ABCC10: variants seen among roughly 807,000 people sequenced by gnomAD.
The protein encoded by ABCC10 is ATP binding cassette subfamily C member 10.
In ABCC10, 110 loss-of-function variants were observed where a neutral mutation model predicts 143.2. The observed-to-expected ratio is 0.77, with a 90% CI of 0.66 to 0.90. The LOEUF (loss-of-function observed/expected upper bound fraction) is 0.90, where lower values mean the gene tolerates loss of function less well. ABCC10 is among the 40% of genes least tolerant of loss of function. ABCC10 has a pLI of 0.00. For synonymous variants in ABCC10, 805 were observed against 846.7 expected, an observed-to-expected ratio of 0.95 and a Z score of 0.85; for missense variants, 1,700 against 1,900.5, an observed-to-expected ratio of 0.89 and a Z score of 1.96.
downstream of ABCC10, chr6:43,451,425 G>T (rs933372792): frequency 3.7e-6 from 4 of 1,074,690 alleles, no homozygotes; most frequent in Admixed American, 8.6e-5. This position sits in a 1 kb window ranked among gnomAD's most constrained non-coding sequence, Gnocchi z 4.4. Flanking sequence ...AATAAAAATA[G>T]TACCCAGCTT....
At position 43,434,838 on chromosome 6, in the gene ABCC10, C is replaced by T; in HGVS notation, c.1598C>T (p.Thr533Ile). 1 of 1,614,110 alleles carries T rather than the reference C, an allele frequency of 6.2e-7. No individual in the cohort carries two copies. Among genetic ancestry groups the T allele is most frequent in the African/African-American group, 1.3e-5 (1 of 75,062 alleles). ...ITYVLMGHQL[T>I]ATKVFTALAL... Reference sequence around the variant, plus strand: ...TATGTCCTCATGGGGCACCAGCTCACTGCCACCAAGGTGAGGACCAGGAAG... The same window carrying T: ...TATGTCCTCATGGGGCACCAGCTCATTGCCACCAAGGTGAGGACCAGGAAG... Residue 533 changes from threonine to isoleucine, a missense_variant, in exon 4 of 22, where the codon ACT becomes ATT. Physicochemically the swap from Thr to Ile is moderately conservative, Grantham distance 89 (BLOSUM62 -1). Coordinates refer to ENST00000372530, the MANE Select transcript of ABCC10 (RefSeq NM_001198934.2).
At chr6:43,433,748 C>A (rs1192104261) in intron 3 of ABCC10, among the ~76,000 whole-genome samples, 2 of 152,162 alleles carry the variant, frequency 1.3e-5, no homozygotes, top group Non-Finnish European at 2.9e-5. Context: ...AGAGCTGGGA[C>A]CCAAGTCTCC....
chr6:43,445,058 G>A lies in ABCC10; in HGVS notation c.2841-67G>A, dbSNP rs1782887023. On this transcript the variant is annotated intron_variant, in intron 13 of 21. Transcript: ENST00000372530. ...TCTGGAGGGTGGGAGAGATGGCATG[G>A]GGGAGGAGAAAGGACCCCCGAGTGG... is the stretch of plus-strand genomic sequence containing the variant. 5 of 1,594,004 alleles carry A rather than the reference G, an allele frequency of 3.1e-6. No individual in the cohort carries two copies. In the East Asian group the frequency reaches 1.1e-4, roughly 36 times the overall value.
rs1400361101 is a variant in ABCC10 at position 43,444,286 on chromosome 6, A to G, written c.2622A>G (p.Gln874=). 6.2e-7 allele frequency: 1 copy of G among 1,614,090 alleles called. No individual in the cohort carries two copies. The highest frequency in any genetic ancestry group is 2.2e-5 in the East Asian group (1 of 44,884). ...GCGCCGTGGCCTTGCACGTGTACCAAGCTTACTGGAAGGCCGTGGGCCAGG... is the reference window on the plus strand; with the variant it reads ...GCGCCGTGGCCTTGCACGTGTACCAGGCTTACTGGAAGGCCGTGGGCCAGG... ...KEGAVALHVY[Q]AYWKAVGQGL... is the part of the protein sequence containing the mutation. The change falls in exon 12 of 22, where the codon CAA becomes CAG. Residue 874 remains glutamine (Q), a synonymous_variant. Transcript: ENST00000372530.
In ABCC10 at chr6:43,446,455, C is replaced by T. The variant is rs1783087237; in HGVS notation, c.3544+9C>T. 1 of 1,607,018 alleles carries T rather than the reference C, an allele frequency of 6.2e-7. No individual in the cohort carries two copies. The highest frequency in any genetic ancestry group is 1.3e-5 in the African/African-American group (1 of 74,760). ...GGGCCTCGCTAACCCAGGTGCCACC[C>T]AGGACCCCTCACCCCTACCTCATCC... On this transcript the variant is annotated intron_variant, in intron 16 of 21. Coordinates refer to ENST00000372530, the MANE Select transcript of ABCC10 (RefSeq NM_001198934.2).
At position 43,435,749 on chromosome 6, in the gene ABCC10, A is replaced by G; in HGVS notation, c.1609-2A>G. 1 of 1,614,034 alleles carries G rather than the reference A, an allele frequency of 6.2e-7. No homozygotes were observed. Among genetic ancestry groups the G allele is most frequent in the Non-Finnish European group, 8.5e-7 (1 of 1,179,928 alleles). ...GCTTCACCCTGCACCCACCTCACTC[A>G]GGTGTTCACGGCCCTGGCACTGGTG... On this transcript the variant is annotated splice_acceptor_variant, in intron 4 of 21. Coordinates refer to ENST00000372530, the MANE Select transcript of ABCC10 (RefSeq NM_001198934.2). LOFTEE classifies it high-confidence loss of function.
chr6:43,451,672 C>T (rs1158609546), downstream of ABCC10, among the ~76,000 whole-genome samples: 2 of 152,086 alleles, frequency 1.3e-5, no homozygotes, highest in Non-Finnish European at 2.9e-5. This position sits in a 1 kb window ranked among gnomAD's most constrained non-coding sequence, Gnocchi z 4.4. Context: ...TTCAGTCTCC[C>T]CACACCCACC....
intron 9 of ABCC10, chr6:43,442,187 G>C (rs925199546): frequency 1.7e-5 from 6 of 360,308 alleles, no homozygotes; most frequent in Admixed American, 1.3e-4. Flanking sequence ...GCTTAGGTCT[G>C]TAATCCCAGC....
At position 43,447,849 on chromosome 6, in the gene ABCC10, T is replaced by C. The variant is rs1783283616; in HGVS notation, c.3871T>C (p.Leu1291=). The part of the protein sequence containing the change: ...RTGSGKSSLL[L]VLFRLLEPSS... ...AGGCTCCGGCAAGTCTTCCCTGTTG[T>C]TGGTGCTCTTCCGGCTGCTAGAGCC... Residue 1291 remains leucine, a synonymous_variant, in exon 18 of 22, where the codon TTG becomes CTG. Transcript: ENST00000372530. 2.5e-6 allele frequency: 4 copies of C among 1,613,868 alleles called. No homozygotes were observed. The highest frequency in any genetic ancestry group is 3.4e-6 in the Non-Finnish European group (4 of 1,180,018).
At chr6:43,441,390 C>T (rs184446531) in intron 8 of ABCC10, among the ~76,000 whole-genome samples, 2 of 150,900 alleles carry the variant, frequency 1.3e-5, no homozygotes, top group East Asian at 2.0e-4. Flanking sequence ...GCAGGAAAAT[C>T]GCTTGAACCC....
chr6:43,445,047 G>A, intron 13 of ABCC10, 78 bp from the exon 14 acceptor site: 1 of 1,588,760 alleles, frequency 6.3e-7, no homozygotes. Context: ...GAGGGTGGGA[G>A]AGATGGCATG....
chr6:43,450,136 G>T lies in ABCC10; in HGVS notation c.*45G>T. The stretch of plus-strand genomic sequence containing the variant: ...AGAGTTCTCCCCTCTCTCTGATCCA[G>T]GCCGGGCCTATACAGAGGTGCTGGC... On this transcript the variant is annotated 3_prime_UTR_variant, in exon 22 of 22. Coordinates refer to ENST00000372530, the MANE Select transcript of ABCC10 (RefSeq NM_001198934.2). The surrounding 1 kb of genome is among the most constrained non-coding windows in gnomAD (Gnocchi z 4.5). The T allele has an allele frequency of 6.5e-7, 1 of 1,550,212 alleles. No individual in the cohort carries two copies. Among genetic ancestry groups the T allele is most frequent in the Non-Finnish European group, 8.7e-7 (1 of 1,144,936 alleles).
intron 7 of ABCC10, 161 bp downstream of exon 7, chr6:43,438,174 A>G: frequency 1.0e-6 from 1 of 956,362 alleles, no homozygotes; most frequent in Non-Finnish European, 1.5e-6. Context: ...GGAGGTGGCC[A>G]AGAAAGCGAA....
intron 18 of ABCC10, chr6:43,448,193 C>G (rs1783332883): frequency 3.2e-6 from 2 of 622,092 alleles, no homozygotes; most frequent in Non-Finnish European, 5.9e-6. Flanking sequence ...TACTTCCTAC[C>G]ATACACCCTC....
At chr6:43,444,986 C>T in intron 13 of ABCC10, 48 bp downstream of exon 13, 1 of 1,585,632 alleles carries the variant, frequency 6.3e-7, no homozygotes. Flanking sequence ...AGAGTGGTCG[C>T]CAGGCAGGGA....
intron 7 of ABCC10, 187 bp from the exon 8 acceptor site, chr6:43,438,429 TTTCTTCCC>T (rs1752151194): frequency 2.1e-6 from 3 of 1,429,398 alleles, no homozygotes; most frequent in South Asian, 3.1e-5. Flanking sequence ...CAAAGAGCTA[TTTCTTCCC>T]TTCTTCGCCC....
rs1315025886 is a variant in ABCC10 at position 43,443,176 on chromosome 6, C to A, written c.2416+17C>A. The A allele has an allele frequency of 6.4e-7, 1 of 1,572,456 alleles. No individual in the cohort carries two copies. The highest frequency in any genetic ancestry group is 1.8e-5 in the Admixed American group (1 of 55,330). ...TCCGGGCTGGTAATGGGGGCAGGAG[C>A]CCCGTGTGAGGGAGGTGTCTGCCCA... On this transcript the variant is annotated intron_variant, in intron 10 of 21. Transcript: ENST00000372530. The surrounding 1 kb of genome is among the most constrained non-coding windows in gnomAD (Gnocchi z 4.2).
intron 8 of ABCC10, 100 bp downstream of exon 8, chr6:43,438,895 C>A: frequency 7.0e-7 from 1 of 1,418,498 alleles, no homozygotes; most frequent in Non-Finnish European, 9.7e-7. Context: ...GTTGCTTCTA[C>A]TCGGGCATCA....
intron 1 of ABCC10, 72 bp from the exon 2 acceptor site, chr6:43,427,896 A>T (rs1197960255): frequency 2.6e-6 from 4 of 1,555,152 alleles, no homozygotes; most frequent in Non-Finnish European, 1.8e-6. Context: ...GGAGACAGGG[A>T]GACCCGGCTG....
Sources: allele counts gnomAD v4.1 joint callset (sites outside exome capture counted in the v4.1 genomes callset), GRCh38; gene constraint gnomAD v4.1.1; non-coding constraint Gnocchi (gnomAD v3.1); transcripts MANE v1.5; gene names NCBI Gene and HGNC (gene_info 2026-07-23, HGNC 2026-07-21).